Variants in RIT2 observed in about 807,000 individuals in gnomAD.
The protein encoded by RIT2 is GTP-binding protein Rit2.
Under a neutral mutation model 23.7 loss-of-function variants are expected in RIT2, and 24 were observed. The observed-to-expected ratio is 1.01, with a 90% CI of 0.73 to 1.43. The LOEUF (loss-of-function observed/expected upper bound fraction) is 1.43, where lower values mean the gene tolerates loss of function less well. Among genes scored for constraint, RIT2 ranks in the 40% most tolerant of loss-of-function variants. The probability of loss-of-function intolerance (pLI) is 0.00; values close to 1 mark genes in which losing one functional copy is unlikely to be tolerated. For missense variants in RIT2, 236 were observed against 266.9 expected (o/e 0.88, Z 0.81); for synonymous variants, 107 against 91.1 (o/e 1.17, Z -0.99).
chr18:42,990,359 G>C (rs751034938), intron 2 of RIT2, among the ~76,000 whole-genome samples: 2 of 152,084 alleles, frequency 1.3e-5, no homozygotes, highest in Non-Finnish European at 2.9e-5. Flanking sequence ...AAATACTACT[G>C]TCATCCTGAA....
intron 3 of RIT2, among the ~76,000 whole-genome samples, chr18:42,928,090 T>G (rs1414853650): frequency 1.3e-5 from 2 of 151,970 alleles, no homozygotes; most frequent in Non-Finnish European, 2.9e-5. Context: ...CATATACTGA[T>G]CTGAATCCCT....
intron 1 of RIT2, among the ~76,000 whole-genome samples, chr18:43,068,674 T>C (rs1912830210): frequency 6.6e-6 from 1 of 152,126 alleles, no homozygotes; most frequent in Non-Finnish European, 1.5e-5. Flanking sequence ...GTCTGCACAA[T>C]GTCTTCACAG....
chr18:42,987,535 C>G (rs144618399), intron 2 of RIT2, among the ~76,000 whole-genome samples: 1 of 152,270 alleles, frequency 6.6e-6, no homozygotes, highest in African/African-American at 2.4e-5. Flanking sequence ...CACTTTATTG[C>G]AAGCAATTTC....
chr18:43,069,843 A>G (rs1321833391), intron 1 of RIT2, among the ~76,000 whole-genome samples: 1 of 152,126 alleles, frequency 6.6e-6, no homozygotes, highest in African/African-American at 2.4e-5. Context: ...CTCAGCACAG[A>G]TGCCACTTCC....
chr18:42,968,438 C>A (rs1169422765), intron 3 of RIT2, among the ~76,000 whole-genome samples: 1 of 152,136 alleles, frequency 6.6e-6, no homozygotes, highest in African/African-American at 2.4e-5. Flanking sequence ...TGTTTTCAAG[C>A]ATCTCAGAGC....
intron 3 of RIT2, among the ~76,000 whole-genome samples, chr18:42,944,625 C>T (rs1379677801): frequency 4.6e-5 from 7 of 152,080 alleles, no homozygotes; most frequent in Non-Finnish European, 1.0e-4. Context: ...TATCAGGTAT[C>T]GCCCAATTCT....
intron 1 of RIT2, among the ~76,000 whole-genome samples, chr18:43,081,255 G>A (rs1180019413): frequency 6.6e-6 from 1 of 152,076 alleles, no homozygotes; most frequent in African/African-American, 2.4e-5. Flanking sequence ...AAATAATCAT[G>A]ATGCTGCTTA....
At chr18:43,043,791 C>T (rs1187660264) in intron 1 of RIT2, among the ~76,000 whole-genome samples, 2 of 151,832 alleles carry the variant, frequency 1.3e-5, no homozygotes, top group Admixed American at 6.6e-5. Flanking sequence ...AAGAGCGAAA[C>T]TCCGTCTCAA....
intron 4 of RIT2, among the ~76,000 whole-genome samples, chr18:42,883,245 T>A (rs530909978): frequency 4.7e-4 from 71 of 152,246 alleles, no homozygotes; most frequent in Non-Finnish European, 9.3e-4. Context: ...CTACTAAGGC[T>A]AAGTTAGTTT....
At chr18:42,817,453 T>C (rs1364701785) in intron 4 of RIT2, among the ~76,000 whole-genome samples, 2 of 152,184 alleles carry the variant, frequency 1.3e-5, no homozygotes, top group Non-Finnish European at 2.9e-5. Context: ...GGTTTGAAAT[T>C]ACTTCCATCA....
chr18:42,878,597 GTA>G (rs982777533), intron 4 of RIT2, among the ~76,000 whole-genome samples: 6 of 146,676 alleles, frequency 4.1e-5, no homozygotes, highest in South Asian at 2.1e-4. Flanking sequence ...GTGTGTGTGT[GTA>G]TGTGTGTATA....
intron 3 of RIT2, among the ~76,000 whole-genome samples, chr18:42,941,782 G>A (rs895532241): frequency 4.6e-5 from 7 of 152,194 alleles, no homozygotes; most frequent in African/African-American, 1.7e-4. Flanking sequence ...ATATATGTAT[G>A]TATATTTGTG....
chr18:42,933,424 T>C (rs2144147813), intron 3 of RIT2, among the ~76,000 whole-genome samples: 1 of 152,308 alleles, frequency 6.6e-6, no homozygotes, highest in East Asian at 1.9e-4. Context: ...TTTGGCTGTG[T>C]CCTGGACAAA....
intron 4 of RIT2, among the ~76,000 whole-genome samples, chr18:42,892,019 T>G (rs775164341): frequency 1.3e-5 from 2 of 152,040 alleles, no homozygotes; most frequent in African/African-American, 2.4e-5. Flanking sequence ...CTTCTGTATT[T>G]TCTTTTCAAT....
intron 4 of RIT2, among the ~76,000 whole-genome samples, chr18:42,888,755 T>C (rs1391465688): frequency 6.6e-6 from 1 of 152,098 alleles, no homozygotes; most frequent in African/African-American, 2.4e-5. Flanking sequence ...TCATGTCTAT[T>C]GCACCAACAT....
At chr18:42,800,151 T>C (rs560647783) in intron 4 of RIT2, among the ~76,000 whole-genome samples, 1 of 152,306 alleles carries the variant, frequency 6.6e-6, no homozygotes, top group East Asian at 1.9e-4. Context: ...TATTAACTAT[T>C]ATTTTGTGAG....
At chr18:42,949,113 C>A (rs1363680796) in intron 3 of RIT2, 1 of 396,948 alleles carries the variant, frequency 2.5e-6, no homozygotes, top group East Asian at 3.6e-5. Flanking sequence ...TAATTAGATG[C>A]CCTGCCACAT....
chr18:42,923,909 C>A, intron 3 of RIT2, 146 bp from the exon 4 acceptor site: 1 of 648,042 alleles, frequency 1.5e-6, no homozygotes. Flanking sequence ...TTTATGAGAT[C>A]TTAGAAAAAC....
intron 1 of RIT2, among the ~76,000 whole-genome samples, chr18:43,113,569 C>T (rs1914000976): frequency 6.6e-6 from 1 of 152,158 alleles, no homozygotes; most frequent in Non-Finnish European, 1.5e-5. Context: ...GATCTGTCAG[C>T]ACAAATAATA....
Sources: gnomAD v4.1 joint callset for allele counts (sites outside exome capture counted in the v4.1 genomes callset) on GRCh38, gnomAD v4.1.1 for gene constraint, MANE v1.5 for transcripts, NCBI Gene and HGNC (gene_info 2026-07-23, HGNC 2026-07-21) for gene names.